The following PSIP1 variants were observed in gnomAD, a reference collection of about 807,000 sequenced individuals.
PSIP1 encodes the protein PC4 and SRSF1 interacting protein 1.
In PSIP1, 19 loss-of-function variants were observed where a neutral mutation model predicts 74.7. The observed-to-expected ratio is 0.25, with a 90% CI of 0.18 to 0.37. The LOEUF is 0.37. PSIP1 is among the 10% of genes least tolerant of loss of function. The pLI is 1.00. For missense variants in PSIP1, 601 were observed against 614.3 expected, an observed-to-expected ratio of 0.98 and a Z score of 0.23; for synonymous variants, 222 against 195.3, an observed-to-expected ratio of 1.14 and a Z score of -1.14.
intron 3 of PSIP1, among the ~76,000 whole-genome samples, chr9:15,496,213 A>G (rs572161756): frequency 6.6e-6 from 1 of 152,330 alleles, no homozygotes; most frequent in Non-Finnish European, 1.5e-5. Context: ...AGGGTAGGTG[A>G]AATTTTAACC....
At chr9:15,487,651 A>G (rs1056052595) in intron 4 of PSIP1, among the ~76,000 whole-genome samples, 35 of 152,192 alleles carry the variant, frequency 2.3e-4, no homozygotes, top group African/African-American at 8.4e-4. Context: ...GTTTCAGATA[A>G]CAATCAATTC....
At chr9:15,500,561 C>G (rs75016733) in intron 3 of PSIP1, among the ~76,000 whole-genome samples, 1 of 152,158 alleles carries the variant, frequency 6.6e-6, no homozygotes, top group Non-Finnish European at 1.5e-5. Flanking sequence ...ATACGTGCAG[C>G]TATGAAACTT....
In PSIP1 at chr9:15,510,259, G is replaced by A. The variant is rs1371991171; in HGVS notation, c.-71C>T. 14 of 1,438,426 alleles carry A rather than the reference G, an allele frequency of 9.7e-6. No individual in the cohort carries two copies. The highest frequency in any genetic ancestry group is 3.7e-5 in the Admixed American group (2 of 54,306). The allele number at this position is 1,438,426 out of a possible 1,614,324, so 89.1% of individuals were successfully genotyped here. A position where few individuals can be genotyped will look rare whatever the true frequency, so the allele number is the denominator to read the frequency against. On this transcript the variant is annotated 5_prime_UTR_variant, in exon 2 of 16. Transcript: ENST00000380733. ...GAGATGCGGCGGCGCGGGGATGCGGGCGGCGGACGCGGGCCCAGCTACCGG... is the reference window on the plus strand; with the variant it reads ...GAGATGCGGCGGCGCGGGGATGCGGACGGCGGACGCGGGCCCAGCTACCGG...
In PSIP1 at chr9:15,469,393, A is replaced by C. The variant is rs1207692159; in HGVS notation, c.1034-57T>G. 2.7e-5 allele frequency: 29 copies of C among 1,075,232 alleles called. 1 individual carries two copies. Among genetic ancestry groups the C allele is most frequent in the Middle Eastern group, 4.1e-4 (2 of 4,864 alleles). 66.6% of individuals were successfully genotyped at this position (1,075,232 alleles called of 1,614,324 possible). On this transcript the variant is annotated intron_variant, in intron 11 of 15. Transcript: ENST00000380733. ...CAGTTTTTCCAAAACCAGTATTTCTATATACAGGCTAAGTATAATGAATTA... is the reference window on the plus strand; with the variant it reads ...CAGTTTTTCCAAAACCAGTATTTCTCTATACAGGCTAAGTATAATGAATTA...
chr9:15,501,039 T>C (rs974173114), intron 3 of PSIP1, among the ~76,000 whole-genome samples: 4 of 152,182 alleles, frequency 2.6e-5, no homozygotes, highest in Non-Finnish European at 4.4e-5. Flanking sequence ...CTAAGCATTA[T>C]TCATGTCATG....
At chr9:15,501,840 C>CATACATATATATATATATATAT (rs2037357942) in intron 3 of PSIP1, among the ~76,000 whole-genome samples, 8 of 124,532 alleles carry the variant, frequency 6.4e-5, no homozygotes, top group Non-Finnish European at 1.1e-4. Context: ...TATAAAACAG[C>CATACATATATATATATATATAT]ATATATATAT....
At chr9:15,496,187 A>T (rs2037064391) in intron 3 of PSIP1, among the ~76,000 whole-genome samples, 1 of 152,224 alleles carries the variant, frequency 6.6e-6, no homozygotes, top group Admixed American at 6.5e-5. Context: ...TAGTTTATAC[A>T]ATTAGTTAAT....
chr9:15,497,841 A>G (rs2037155748), intron 3 of PSIP1, among the ~76,000 whole-genome samples: 1 of 152,188 alleles, frequency 6.6e-6, no homozygotes, highest in African/African-American at 2.4e-5. Flanking sequence ...TCACCAACTA[A>G]ATCTACTGTT....
In PSIP1 at chr9:15,481,571, C is replaced by G. The variant is rs74624563; in HGVS notation, c.457-1884G>C. 6.8e-3 allele frequency among the ~76,000 whole-genome samples: 1,038 copies of G among 152,214 alleles called. 9 individuals carry two copies. Among genetic ancestry groups the G allele is most frequent in the African/African-American group, 0.024 (992 of 41,522 alleles). ...ATAAGTCAGGCACCTGTAATCCCAGCCACTCAAGAGGCTAAGGCAGGAGAA... is the reference window on the plus strand; with the variant it reads ...ATAAGTCAGGCACCTGTAATCCCAGGCACTCAAGAGGCTAAGGCAGGAGAA... On this transcript the variant is annotated intron_variant, in intron 6 of 15. Transcript: ENST00000380733.
In PSIP1 at chr9:15,472,637, A is replaced by C. The variant is rs766728171; in HGVS notation, c.972T>G (p.Thr324=). 50 of 1,584,268 alleles carry C rather than the reference A, an allele frequency of 3.2e-5. No homozygotes were observed. Among genetic ancestry groups the C allele is most frequent in the Non-Finnish European group, 4.1e-5 (48 of 1,172,336 alleles). ...AGAAAAAAAAAAATACTTACTGCTC[A>C]GTTTCCATTTGTTCCTCTTGCTTGC... ...RKRKQEEQME[T]EQQNKDEGKK... is the part of the protein sequence containing the mutation. The change falls in exon 10 of 16, where the codon ACT becomes ACG. Residue 324 remains threonine, a synonymous_variant. Coordinates refer to ENST00000380733, the MANE Select transcript of PSIP1 (RefSeq NM_033222.5).
intron 9 of PSIP1, 52 bp from the exon 10 acceptor site, chr9:15,472,802 G>A: frequency 1.4e-6 from 2 of 1,466,150 alleles, no homozygotes; most frequent in East Asian, 2.4e-5. Flanking sequence ...AGTGACTAGT[G>A]CTTATGGAAT....
chr9:15,477,271 G>T lies in PSIP1; in HGVS notation c.629+1206C>A, dbSNP rs553094742. On this transcript the variant is annotated intron_variant, in intron 8 of 15. Transcript: ENST00000380733. Reference sequence around the variant, plus strand: ...ATGGTGTGCAACACAATGTTTTGATGTACGTATACACTGTGGAATGGCTAA... The same window carrying T: ...ATGGTGTGCAACACAATGTTTTGATTTACGTATACACTGTGGAATGGCTAA... Among the ~76,000 whole-genome samples the T allele has an allele frequency of 3.3e-5, 5 of 152,248 alleles. No homozygotes were observed. In the South Asian group the frequency reaches 1.0e-3, roughly 32 times the overall value.
intron 6 of PSIP1, among the ~76,000 whole-genome samples, chr9:15,484,684 G>A (rs1025883240): frequency 1.3e-4 from 20 of 151,600 alleles, no homozygotes; most frequent in Non-Finnish European, 2.4e-4. Flanking sequence ...CCGAGATGGC[G>A]CCACTGCACT....
intron 3 of PSIP1, among the ~76,000 whole-genome samples, chr9:15,496,057 T>G (rs1238524228): frequency 1.3e-5 from 2 of 152,122 alleles, no homozygotes; most frequent in Non-Finnish European, 2.9e-5. Context: ...CATCCGACTG[T>G]GCATGATTTT....
intron 6 of PSIP1, among the ~76,000 whole-genome samples, chr9:15,481,261 G>C (rs139075949): frequency 6.6e-5 from 10 of 152,316 alleles, no homozygotes; most frequent in South Asian, 2.1e-4. Context: ...TCAAGACTGA[G>C]AGCTCTTTTC....
intron 14 of PSIP1, among the ~76,000 whole-genome samples, chr9:15,467,440 G>T (rs1472343515): frequency 6.6e-6 from 1 of 152,220 alleles, no homozygotes; most frequent in African/African-American, 2.4e-5. Flanking sequence ...TTAAGCAGCT[G>T]CCACTAAGAT....
At chr9:15,474,362 T>C (rs1431011442) in intron 8 of PSIP1, 125 bp from the exon 9 acceptor site, 4 of 763,360 alleles carry the variant, frequency 5.2e-6, no homozygotes, top group Non-Finnish European at 7.9e-6. Context: ...GTCTTCACTA[T>C]CCAATCATAA....
chr9:15,489,864 A>G, intron 4 of PSIP1, 122 bp downstream of exon 4: 1 of 791,540 alleles, frequency 1.3e-6, no homozygotes, highest in East Asian at 3.2e-5. Flanking sequence ...CCTCACAAAT[A>G]AGAACACAAC....
intron 14 of PSIP1, among the ~76,000 whole-genome samples, chr9:15,467,743 G>GT (rs2035694190): frequency 6.6e-6 from 1 of 152,182 alleles, no homozygotes; most frequent in South Asian, 2.1e-4. Flanking sequence ...AGTACTAGCA[G>GT]GATTTAACTA....
Sources: allele counts gnomAD v4.1 joint callset (sites outside exome capture counted in the v4.1 genomes callset), GRCh38; gene constraint gnomAD v4.1.1; transcripts MANE v1.5; gene names NCBI Gene and HGNC (gene_info 2026-07-23, HGNC 2026-07-21).